POT1: variants seen among roughly 807,000 people sequenced by gnomAD.
The protein encoded by POT1 is protection of telomeres protein 1.
Under a neutral mutation model 78.5 loss-of-function variants are expected in POT1, and 47 were observed. The observed-to-expected ratio is 0.60, with a 90% confidence interval of 0.47 to 0.76. POT1 has a LOEUF of 0.76. Among genes scored for constraint, POT1 ranks in the 30% least tolerant of loss-of-function variants. The pLI is 0.00. For synonymous variants in POT1, 259 were observed against 260.7 expected (o/e 0.99, Z 0.06); for missense variants, 646 against 749.9 (o/e 0.86, Z 1.62).
At chr7:124,840,081 A>G (rs1240884346) in intron 14 of POT1, among the ~76,000 whole-genome samples, 12 of 151,732 alleles carry the variant, frequency 7.9e-5, no homozygotes, top group Non-Finnish European at 8.8e-5. Flanking sequence ...CCCTTCTACC[A>G]TACATGCTAG....
rs375011459 is a variant in POT1, at chr7:124,897,129, G to T, written c.9+36C>A. 6 of 1,361,772 alleles carry T rather than the reference G, an allele frequency of 4.4e-6. No homozygotes were observed. The African/African-American group carries it at 8.8e-5, about 20-fold the overall frequency. 84.4% of individuals were successfully genotyped at this position (1,361,772 alleles called of 1,614,324 possible). On this transcript the variant is annotated intron_variant, in intron 5 of 18. Transcript: ENST00000357628. The stretch of plus-strand genomic sequence containing the variant: ...ATGTGTGTGGCATATACAGGTATAG[G>T]TGTAATACTCTAAATTAAACTGAAT...
intron 7 of POT1, among the ~76,000 whole-genome samples, chr7:124,865,437 A>T (rs956055730): frequency 8.5e-5 from 13 of 152,148 alleles, no homozygotes; most frequent in African/African-American, 2.6e-4. Flanking sequence ...ATATTGTTCC[A>T]TAGGTCCTTA....
chr7:124,910,608 C>G (rs577996062), intron 3 of POT1, among the ~76,000 whole-genome samples: 6 of 151,984 alleles, frequency 3.9e-5, no homozygotes, highest in African/African-American at 1.4e-4. Context: ...TTTTTACTAT[C>G]TAATGGCTCT....
chr7:124,842,897 T>C lies in POT1; in HGVS notation c.1073A>G (p.Gln358Arg). ...LCAILKQKAPQQYRIRAKLRS... is the reference protein window; with the variant it reads ...LCAILKQKAPRQYRIRAKLRS... The stretch of plus-strand genomic sequence containing the variant: ...CAATTTTGCTCGGATGCGGTATTGT[T>C]GAGGAGCTTTTTGTTTCAAAATGGC... The change falls in exon 13 of 19, where the codon CAA (glutamine) becomes CGA (arginine). Residue 358 changes from glutamine (Q) to arginine (R), a missense_variant. Around this residue, in one of 2 missense-constraint regions of POT1, gnomAD observed 394 missense variants for 408.4 expected, o/e 0.96. Transcript: ENST00000357628. 1 of 1,609,410 alleles carries C rather than the reference T, an allele frequency of 6.2e-7. No individual in the cohort carries two copies. Among genetic ancestry groups the C allele is most frequent in the Non-Finnish European group, 8.5e-7 (1 of 1,178,232 alleles).
intron 7 of POT1, among the ~76,000 whole-genome samples, chr7:124,865,730 C>A (rs7782031): frequency 0.6 from 90,706 of 150,866 alleles, 27,338 homozygotes; most frequent in African/African-American, 0.65. Context: ...TATTTTGAGA[C>A]GGATCTCGTT....
intron 3 of POT1, among the ~76,000 whole-genome samples, chr7:124,901,196 C>T (rs1186195543): frequency 6.6e-6 from 1 of 152,206 alleles, no homozygotes. Context: ...GACAGATTGC[C>T]TCCTCAAGTG....
intron 3 of POT1, among the ~76,000 whole-genome samples, chr7:124,899,882 G>C (rs1248354111): frequency 2.0e-5 from 3 of 151,972 alleles, no homozygotes; most frequent in African/African-American, 7.3e-5. Flanking sequence ...TTTTTTAAAA[G>C]ACTGAGTATG....
intron 17 of POT1, among the ~76,000 whole-genome samples, 178 bp downstream of exon 17, chr7:124,827,034 AGT>A (rs1335012417): frequency 6.6e-6 from 1 of 152,220 alleles, no homozygotes; most frequent in Non-Finnish European, 1.5e-5. Context: ...GTTAAGATTT[AGT>A]GTCAAATAAA....
chr7:124,837,389 G>T (rs1344789064), intron 14 of POT1, among the ~76,000 whole-genome samples: 1 of 151,974 alleles, frequency 6.6e-6, no homozygotes, highest in Non-Finnish European at 1.5e-5. Flanking sequence ...TGTTTCAGAG[G>T]AAGTTAAATG....
intron 2 of POT1, among the ~76,000 whole-genome samples, chr7:124,919,495 GC>G (rs1225701717): frequency 6.6e-6 from 1 of 152,058 alleles, no homozygotes; most frequent in Non-Finnish European, 1.5e-5. Context: ...TGGAGACAGG[GC>G]CATTAAATAG....
At chr7:124,861,677 C>T (rs1195754110) in intron 8 of POT1, among the ~76,000 whole-genome samples, 3 of 152,070 alleles carry the variant, frequency 2.0e-5, no homozygotes, top group Non-Finnish European at 4.4e-5. Flanking sequence ...AAGTCTTTGC[C>T]CATGCCTATG....
At position 124,839,441 on chromosome 7, in the gene POT1, A is replaced by G. The variant is rs1299919171; in HGVS notation, c.1369+1532T>C. Among the ~76,000 whole-genome samples the G allele has an allele frequency of 2.6e-5, 4 of 152,300 alleles. No individual in the cohort carries two copies. The East Asian group carries it at 5.8e-4, about 22-fold the overall frequency. ...CATTAACTTGGCATGAATATCAGTG[A>G]ATACTGCTGCAGGTCCTTAAAGTCT... On this transcript the variant is annotated intron_variant, in intron 14 of 18. Transcript: ENST00000357628.
In POT1 at chr7:124,851,958, T is replaced by A. The variant is rs372566252; in HGVS notation, c.870-7A>T. The A allele has an allele frequency of 1.3e-6, 2 of 1,578,554 alleles. No individual in the cohort carries two copies. The highest frequency in any genetic ancestry group is 1.7e-4 in the Middle Eastern group (1 of 5,788). ...ATTTGCAGATTCTAAATCCCTATAA[T>A]TGAAAGAATACAATTTCAAATTGCA... is the stretch of plus-strand genomic sequence containing the variant. On this transcript the variant is annotated splice_region_variant and splice_polypyrimidine_tract_variant and intron_variant, in intron 10 of 18. Transcript: ENST00000357628.
chr7:124,926,385 A>G (rs1797272391), intron 2 of POT1, among the ~76,000 whole-genome samples: 1 of 152,190 alleles, frequency 6.6e-6, no homozygotes, highest in Non-Finnish European at 1.5e-5. Flanking sequence ...AACCACAATG[A>G]AATATCACCT....
At chr7:124,873,207 T>A (rs1425313190) in intron 6 of POT1, among the ~76,000 whole-genome samples, 1 of 152,174 alleles carries the variant, frequency 6.6e-6, no homozygotes, top group Non-Finnish European at 1.5e-5. Context: ...GCTTTTGAGG[T>A]CCTTTCCAAA....
intron 3 of POT1, among the ~76,000 whole-genome samples, chr7:124,906,692 T>A (rs148855726): frequency 1.2e-3 from 180 of 152,192 alleles, no homozygotes; most frequent in African/African-American, 4.1e-3. Context: ...ATATTTCATA[T>A]AAATGGCTGC....
Position 124,922,360 on chromosome 7 carries a change from T to C in POT1, c.-227+6455A>G, listed in dbSNP as rs180900855. Among the ~76,000 whole-genome samples the C allele has an allele frequency of 1.4e-3, 220 of 152,188 alleles. 1 individual carries two copies. Among genetic ancestry groups the C allele is most frequent in the Non-Finnish European group, 2.4e-3 (166 of 67,932 alleles). ...AAATATAAAGACTATACTTTTTCCT[T>C]CTTTTAATTTCCTTAAAAGATGACT... On this transcript the variant is annotated intron_variant, in intron 2 of 18. Transcript: ENST00000357628.
chr7:124,927,669 A>C (rs1797308896), intron 2 of POT1, among the ~76,000 whole-genome samples: 1 of 152,162 alleles, frequency 6.6e-6, no homozygotes, highest in African/African-American at 2.4e-5. Flanking sequence ...AAACCCATCT[A>C]AATGAGAGTC....
chr7:124,885,791 A>AAAAT (rs35134865), intron 6 of POT1, among the ~76,000 whole-genome samples: 90,531 of 150,970 alleles, frequency 0.6, 27,256 homozygotes, highest in African/African-American at 0.65. Context: ...AATAAAAATA[A>AAAAT]AAATAAAATC....
Sources: allele counts gnomAD v4.1 joint callset (sites outside exome capture counted in the v4.1 genomes callset), GRCh38; gene constraint gnomAD v4.1.1; regional missense constraint gnomAD v4.1.1; transcripts MANE v1.5; gene names NCBI Gene and HGNC (gene_info 2026-07-23, HGNC 2026-07-21).